CFTR: variants seen among roughly 807,000 people sequenced by gnomAD.
The protein encoded by CFTR is CF transmembrane conductance regulator.
Under a neutral mutation model 171.6 loss-of-function variants are expected in CFTR, and 181 were observed. The observed-to-expected ratio is 1.05, with a 90% CI of 0.93 to 1.19. The LOEUF is 1.19. Ranked by LOEUF, CFTR falls within the 50% of genes most tolerant of loss-of-function variation. The pLI, the probability that CFTR is intolerant of heterozygous loss-of-function variation, is 0.00. For synonymous variants in CFTR, 583 were observed against 608.0 expected (o/e 0.96, Z 0.60); for missense variants, 1,968 against 1,734.7 (o/e 1.13, Z -2.39).
intron 15 of CFTR, among the ~76,000 whole-genome samples, chr7:117,599,765 T>A (rs528052504): frequency 2.0e-5 from 3 of 152,242 alleles, no homozygotes; most frequent in African/African-American, 7.2e-5. Context: ...CACAATTCTA[T>A]TGCCTTCTTT....
intron 9 of CFTR, among the ~76,000 whole-genome samples, chr7:117,543,031 G>T (rs1391054886): frequency 6.6e-6 from 1 of 152,070 alleles, no homozygotes; most frequent in Admixed American, 6.6e-5. Context: ...CTATCATACT[G>T]CTCCACATAA....
rs1028800467 is a variant in CFTR at position 117,557,635 on chromosome 7, A to G, written c.1393-1829A>G. On this transcript the variant is annotated intron_variant, in intron 10 of 26. Coordinates refer to ENST00000003084, the MANE Select transcript of CFTR (RefSeq NM_000492.4). ...TAAAGAGCCTTTTCTTTTTCATTGA[A>G]TGTATTTGGGCCTGCATATGTCTAA... Among the ~76,000 whole-genome samples, 43 of 152,030 alleles carry G rather than the reference A, an allele frequency of 2.8e-4. 1 individual carries two copies. Among genetic ancestry groups the G allele is most frequent in the Non-Finnish European group, 4.7e-4 (32 of 67,954 alleles).
In CFTR at chr7:117,665,560, T is replaced by G; in HGVS notation, c.4238T>G (p.Phe1413Cys). The stretch of plus-strand genomic sequence containing the variant: ...GAAGCAATGCTGGAATGCCAACAAT[T>G]TTTGGTGAGTCTTTATAACTTTACT... Reference protein sequence around the residue: ...RIEAMLECQQFLVIEENKVRQ... With the variant: ...RIEAMLECQQCLVIEENKVRQ... The change falls in exon 26 of 27, where the codon TTT becomes TGT. Residue 1413 changes from phenylalanine to cysteine, a missense_variant. Physicochemically the swap from Phe to Cys is radical, Grantham distance 205. Transcript: ENST00000003084. 6.3e-7 allele frequency: 1 copy of G among 1,598,004 alleles called. No homozygotes were observed. Among genetic ancestry groups the G allele is most frequent in the South Asian group, 1.1e-5 (1 of 90,738 alleles).
intron 11 of CFTR, among the ~76,000 whole-genome samples, chr7:117,580,198 G>T (rs1474433109): frequency 6.6e-6 from 1 of 151,868 alleles, no homozygotes; most frequent in Middle Eastern, 3.4e-3. Flanking sequence ...CAGCAAAAAA[G>T]GTTTTTAACA....
chr7:117,569,997 A>C (rs1310558025), intron 11 of CFTR, among the ~76,000 whole-genome samples: 1 of 152,054 alleles, frequency 6.6e-6, no homozygotes, highest in Admixed American at 6.6e-5. Flanking sequence ...ATCAACAATA[A>C]AAAATTAGGG....
At chr7:117,625,190 G>A (rs1287811986) in intron 21 of CFTR, among the ~76,000 whole-genome samples, 2 of 152,112 alleles carry the variant, frequency 1.3e-5, no homozygotes, top group Non-Finnish European at 2.9e-5. Flanking sequence ...TAAATCACAC[G>A]TTCTTGGCTA....
intron 11 of CFTR, among the ~76,000 whole-genome samples, chr7:117,570,267 C>T (rs1022824405): frequency 6.6e-6 from 1 of 151,874 alleles, no homozygotes; most frequent in Non-Finnish European, 1.5e-5. Context: ...AGAAGGTCCT[C>T]CACTAACTTT....
At chr7:117,508,129 A>C (rs1052088389) in intron 2 of CFTR, among the ~76,000 whole-genome samples, 8 of 152,248 alleles carry the variant, frequency 5.3e-5, no homozygotes, top group African/African-American at 1.9e-4. Context: ...ACTTGACAGT[A>C]ATGGGAATAA....
chr7:117,534,300 C>A lies in CFTR; in HGVS notation c.514C>A (p.Leu172Ile), dbSNP rs769606990. The A allele has an allele frequency of 1.3e-6, 2 of 1,599,738 alleles. No individual in the cohort carries two copies. The highest frequency in any genetic ancestry group is 3.3e-5 in the Admixed American group (2 of 59,960). The change falls in exon 5 of 27, where the codon CTA becomes ATA. Residue 172 changes from leucine (L) to isoleucine (I), a missense_variant. By Grantham distance (5) the Leu-to-Ile change is conservative. Transcript: ENST00000003084. ...GACTTTAAAGCTGTCAAGCCGTGTTCTAGATAAAATAAGTATTGGACAACT... is the reference window on the plus strand; with the variant it reads ...GACTTTAAAGCTGTCAAGCCGTGTTATAGATAAAATAAGTATTGGACAACT... ...KKTLKLSSRV[L>I]DKISIGQLVS...
chr7:117,523,803 T>C (rs1277609700), intron 3 of CFTR, among the ~76,000 whole-genome samples: 1 of 152,234 alleles, frequency 6.6e-6, no homozygotes, highest in Non-Finnish European at 1.5e-5. Flanking sequence ...AAAAGTCTAT[T>C]GTGATCTGGA....
chr7:117,552,128 TA>T (rs1799282726), intron 10 of CFTR, among the ~76,000 whole-genome samples: 1 of 152,080 alleles, frequency 6.6e-6, no homozygotes, highest in African/African-American at 2.4e-5. Context: ...ATTTAATTTT[TA>T]AAATTTTATT....
intron 24 of CFTR, among the ~76,000 whole-genome samples, chr7:117,656,597 T>C (rs548533984): frequency 6.6e-6 from 1 of 152,296 alleles, no homozygotes; most frequent in African/African-American, 2.4e-5. Flanking sequence ...ATTCTCGAAA[T>C]TCTGGGTTTC....
intron 2 of CFTR, among the ~76,000 whole-genome samples, chr7:117,506,448 G>T (rs1380856786): frequency 2.0e-5 from 3 of 152,168 alleles, no homozygotes; most frequent in Non-Finnish European, 4.4e-5. Context: ...GTTTCGCCAT[G>T]TTGGCCAGGC....
At chr7:117,570,106 T>C (rs1454971891) in intron 11 of CFTR, among the ~76,000 whole-genome samples, 6 of 151,826 alleles carry the variant, frequency 4.0e-5, no homozygotes, top group Non-Finnish European at 8.8e-5. Context: ...GCCATTTCTC[T>C]TGGTTTACGG....
chr7:117,606,932 A>C (rs989542290), intron 18 of CFTR, among the ~76,000 whole-genome samples, 179 bp downstream of exon 18: 2 of 152,204 alleles, frequency 1.3e-5, no homozygotes, highest in Non-Finnish European at 2.9e-5. Context: ...TTCAATAATA[A>C]GTCAGAACTG....
At chr7:117,551,546 G>C (rs938294311) in intron 10 of CFTR, among the ~76,000 whole-genome samples, 1 of 152,068 alleles carries the variant, frequency 6.6e-6, no homozygotes, top group Admixed American at 6.6e-5. Flanking sequence ...GGCTGCAAAA[G>C]GATCATGTCT....
intron 11 of CFTR, among the ~76,000 whole-genome samples, chr7:117,575,889 T>C (rs1791762805): frequency 6.6e-6 from 1 of 152,064 alleles, no homozygotes; most frequent in African/African-American, 2.4e-5. Context: ...TTCTCTAGAG[T>C]GGGATCTTTT....
intron 10 of CFTR, among the ~76,000 whole-genome samples, chr7:117,550,507 A>G (rs1044428300): frequency 3.9e-5 from 6 of 152,108 alleles, no homozygotes; most frequent in African/African-American, 1.4e-4. Flanking sequence ...TATCTTGTAT[A>G]TTATTACTAG....
intron 3 of CFTR, among the ~76,000 whole-genome samples, chr7:117,520,712 C>T (rs1798671742): frequency 6.6e-6 from 1 of 151,840 alleles, no homozygotes; most frequent in Non-Finnish European, 1.5e-5. Context: ...ACACATTATT[C>T]TTATTCCTCA....
Sources: gnomAD v4.1 joint callset for allele counts (sites outside exome capture counted in the v4.1 genomes callset) on GRCh38, gnomAD v4.1.1 for gene constraint, MANE v1.5 for transcripts, NCBI Gene and HGNC (gene_info 2026-07-23, HGNC 2026-07-21) for gene names.